The following RNLS variants were observed in gnomAD, a reference collection of about 807,000 sequenced individuals.
RNLS encodes renalase, FAD dependent amine oxidase, also known as renalase.
Under a neutral mutation model 39.8 loss-of-function variants are expected in RNLS, and 39 were observed. That is an observed-to-expected ratio of 0.98 (90% confidence interval 0.76 to 1.28). The LOEUF (loss-of-function observed/expected upper bound fraction) is 1.28, where lower values mean the gene tolerates loss of function less well. RNLS is among the 50% of genes most tolerant of loss of function. The pLI is 0.00. For missense variants in RNLS, 410 were observed against 413.3 expected, an observed-to-expected ratio of 0.99 and a Z score of 0.07; for synonymous variants, 147 against 150.7, an observed-to-expected ratio of 0.98 and a Z score of 0.18.
chr10:88,207,297 A>G, the RNLS span, among the ~76,000 whole-genome samples: 1 of 152,178 alleles, frequency 6.6e-6, no homozygotes, highest in African/African-American at 2.4e-5. Context: ...GGACATGCAT[A>G]CAGATTATAC....
rs768939981 is a variant in RNLS, at chr10:88,524,956, C to CACACAT, written c.526+47946_526+47947insATGTGT. Among the ~76,000 whole-genome samples, 134 of 76,126 alleles carry CACACAT rather than the reference C, an allele frequency of 1.8e-3. 1 individual carries two copies. The highest frequency in any genetic ancestry group is 3.5e-3 in the East Asian group (6 of 1,718). The allele number at this position is 76,126 out of a possible 152,430, so 49.9% of individuals were successfully genotyped here. ...CATATATATATATATATGGCACACA[C>CACACAT]ATACATATATATATATATATATATA... On this transcript the variant is annotated intron_variant, in intron 4 of 6. Coordinates refer to ENST00000331772, the MANE Select transcript of RNLS (RefSeq NM_001031709.3).
chr10:88,550,456 T>C (rs1187360054), intron 4 of RNLS, among the ~76,000 whole-genome samples: 2 of 152,202 alleles, frequency 1.3e-5, no homozygotes, highest in Admixed American at 1.3e-4. Flanking sequence ...AATTCATTCA[T>C]TTAAGAAATA....
At chr10:88,581,938 A>G (rs913514749) in intron 2 of RNLS, among the ~76,000 whole-genome samples, 2 of 152,266 alleles carry the variant, frequency 1.3e-5, no homozygotes, top group African/African-American at 4.8e-5. Flanking sequence ...TGCTGACTTT[A>G]GTCAAAGGCC....
intron 4 of RNLS, among the ~76,000 whole-genome samples, chr10:88,475,971 C>T (rs1286481420): frequency 1.3e-5 from 2 of 152,040 alleles, no homozygotes; most frequent in Non-Finnish European, 2.9e-5. Flanking sequence ...GTAAAGGATC[C>T]TCTACAGGAC....
intron 4 of RNLS, among the ~76,000 whole-genome samples, chr10:88,567,126 T>C (rs1176978503): frequency 6.6e-6 from 1 of 152,106 alleles, no homozygotes; most frequent in Admixed American, 6.6e-5. Context: ...ATAATTTTAA[T>C]GAGGGTCTAG....
chr10:88,469,263 A>G (rs1843378558), intron 4 of RNLS, among the ~76,000 whole-genome samples: 1 of 152,192 alleles, frequency 6.6e-6, no homozygotes, highest in Non-Finnish European at 1.5e-5. Context: ...CCCTGGCCAC[A>G]GTGCTCAGCC....
intron 4 of RNLS, among the ~76,000 whole-genome samples, chr10:88,508,236 G>A (rs370781694): frequency 6.6e-6 from 1 of 152,098 alleles, no homozygotes; most frequent in Non-Finnish European, 1.5e-5. Flanking sequence ...CCATAGCTTC[G>A]TGGTTATGAT....
At chr10:88,359,385 A>T (rs963147263) in intron 5 of RNLS, among the ~76,000 whole-genome samples, 1 of 152,142 alleles carries the variant, frequency 6.6e-6, no homozygotes, top group Non-Finnish European at 1.5e-5. Context: ...GTGAAGTTAC[A>T]TTACATGGGC....
At chr10:88,375,830 T>C (rs1850948399) in intron 4 of RNLS, among the ~76,000 whole-genome samples, 1 of 152,058 alleles carries the variant, frequency 6.6e-6, no homozygotes, top group Admixed American at 6.6e-5. Context: ...CATGTATGCA[T>C]GGGAGTCCCA....
At chr10:88,251,745 G>C in the RNLS span, among the ~76,000 whole-genome samples, 1 of 152,340 alleles carries the variant, frequency 6.6e-6, no homozygotes, top group African/African-American at 2.4e-5. Flanking sequence ...ATACCTTCTT[G>C]TGACTTAACT....
intron 4 of RNLS, among the ~76,000 whole-genome samples, chr10:88,493,162 T>A (rs1844978412): frequency 6.6e-6 from 1 of 152,120 alleles, no homozygotes; most frequent in African/African-American, 2.4e-5. Context: ...GTAAACCAGC[T>A]TTAAATGAAC....
chr10:88,285,292 C>T lies in RNLS; in HGVS notation c.*62G>A, dbSNP rs1440142800. The T allele has an allele frequency of 2.1e-6, 3 of 1,434,690 alleles. No individual in the cohort carries two copies. The African/African-American group carries it at 4.4e-5, about 21-fold the overall frequency. The allele number at this position is 1,434,690 out of a possible 1,614,324, so 88.9% of individuals were successfully genotyped here. On this transcript the variant is annotated 3_prime_UTR_variant, in exon 7 of 7. Transcript: ENST00000331772. Reference sequence around the variant, plus strand: ...TTAGCAAAATAGAAAACAAAATAATCAATAACAGAAAATTGTGAAAATAAA... The same window carrying T: ...TTAGCAAAATAGAAAACAAAATAATTAATAACAGAAAATTGTGAAAATAAA...
chr10:88,456,548 C>T (rs1252070502), intron 4 of RNLS, among the ~76,000 whole-genome samples: 1 of 152,098 alleles, frequency 6.6e-6, no homozygotes, highest in African/African-American at 2.4e-5. Flanking sequence ...GAATAGAATT[C>T]AGGTGAGGAA....
chr10:88,353,682 A>G lies in RNLS; in HGVS notation c.700+8870T>C, dbSNP rs189093091. On this transcript the variant is annotated intron_variant, in intron 5 of 6. Coordinates refer to ENST00000331772, the MANE Select transcript of RNLS (RefSeq NM_001031709.3). ...CAGTGTGGTGCTGAGAAGAATGTATATTCTGTTGATTTGAGGTGGAGAGTT... is the reference window on the plus strand; with the variant it reads ...CAGTGTGGTGCTGAGAAGAATGTATGTTCTGTTGATTTGAGGTGGAGAGTT... 5.9e-3 allele frequency among the ~76,000 whole-genome samples: 893 copies of G among 152,292 alleles called. 13 individuals are homozygous for G. Among genetic ancestry groups the G allele is most frequent in the African/African-American group, 0.02 (837 of 41,560 alleles).
At chr10:88,443,561 A>G (rs1226161073) in intron 4 of RNLS, among the ~76,000 whole-genome samples, 3 of 152,226 alleles carry the variant, frequency 2.0e-5, no homozygotes, top group East Asian at 1.9e-4. Flanking sequence ...ATTTCCTTTC[A>G]TAGCCAAGCA....
At chr10:88,551,515 G>A (rs543830121) in intron 4 of RNLS, among the ~76,000 whole-genome samples, 9 of 152,166 alleles carry the variant, frequency 5.9e-5, no homozygotes, top group African/African-American at 2.2e-4. Context: ...GACATCATTG[G>A]GCATATGGAT....
chr10:88,383,064 AT>A (rs1210738733), intron 4 of RNLS, among the ~76,000 whole-genome samples: 1 of 152,136 alleles, frequency 6.6e-6, no homozygotes, highest in Non-Finnish European at 1.5e-5. Context: ...ACATCTTTAA[AT>A]CTATCATGTG....
chr10:88,509,255 C>A lies in RNLS; in HGVS notation c.526+63648G>T, dbSNP rs1845957221. Among the ~76,000 whole-genome samples, 5 of 152,216 alleles carry A rather than the reference C, an allele frequency of 3.3e-5. No individual in the cohort carries two copies. The South Asian group carries it at 1.0e-3, about 32-fold the overall frequency. On this transcript the variant is annotated intron_variant, in intron 4 of 6. Transcript: ENST00000331772. ...GGTCTTTGACACTGGCAAACAAAGACAGGCAACTGTTGCACATTATCCTAA... is the reference window on the plus strand; with the variant it reads ...GGTCTTTGACACTGGCAAACAAAGAAAGGCAACTGTTGCACATTATCCTAA...
chr10:88,239,631 C>G, the RNLS span, among the ~76,000 whole-genome samples: 1 of 152,244 alleles, frequency 6.6e-6, no homozygotes, highest in African/African-American at 2.4e-5. Context: ...GATATTACCA[C>G]TTTGGTAGTG....
Sources: allele counts gnomAD v4.1 joint callset (sites outside exome capture counted in the v4.1 genomes callset), GRCh38; gene constraint gnomAD v4.1.1; transcripts MANE v1.5; gene names NCBI Gene and HGNC (gene_info 2026-07-23, HGNC 2026-07-21).